Variants in NUP214 observed in about 807,000 individuals in gnomAD.
NUP214 encodes the protein nuclear pore complex protein Nup214.
Under a neutral mutation model 196.2 loss-of-function variants are expected in NUP214, and 79 were observed. The observed-to-expected ratio is 0.40, with a 90% CI of 0.34 to 0.49. The LOEUF (loss-of-function observed/expected upper bound fraction) is 0.49. Among genes scored for constraint, NUP214 ranks in the 20% least tolerant of loss-of-function variants. NUP214 has a pLI of 0.58. For missense variants in NUP214, 2,468 were observed against 2,539.0 expected (o/e 0.97, Z 0.60); for synonymous variants, 1,020 against 990.5 (o/e 1.03, Z -0.56).
chr9:131,230,005 G>A, intron 33 of NUP214: 1 of 332,996 alleles, frequency 3.0e-6, no homozygotes, highest in Non-Finnish European at 5.8e-6. Context: ...CAATTCAAGG[G>A]GCTCTGATAG....
At chr9:131,226,062 C>G (rs1036996664) in intron 32 of NUP214, among the ~76,000 whole-genome samples, 1 of 152,076 alleles carries the variant, frequency 6.6e-6, no homozygotes, top group African/African-American at 2.4e-5. Context: ...TCGCACAGAC[C>G]TTGTTCCAGT....
chr9:131,132,473 C>T lies in NUP214; in HGVS notation c.664-123C>T, dbSNP rs1212186534. ...AGTAGATAGCACTATTCTGTTTCTT[C>T]AGTCTCTCCCGGCCAAGGAGATGGA... On this transcript the variant is annotated intron_variant, in intron 5 of 35. Transcript: ENST00000359428. The T allele has an allele frequency of 3.7e-6, 3 of 801,732 alleles. No individual in the cohort carries two copies. The African/African-American group carries it at 5.2e-5, about 14-fold the overall frequency. The allele number at this position is 801,732 out of a possible 1,614,324, so 49.7% of individuals were successfully genotyped here. A position where few individuals can be genotyped will look rare whatever the true frequency, so the allele number is the denominator to read the frequency against.
intron 18 of NUP214, among the ~76,000 whole-genome samples, chr9:131,160,063 T>C (rs1832583703): frequency 6.6e-6 from 1 of 152,124 alleles, no homozygotes; most frequent in Admixed American, 6.5e-5. Flanking sequence ...TAAATAAATA[T>C]GGTCGCTTTT....
chr9:131,143,066 G>A (rs892232882), intron 11 of NUP214, among the ~76,000 whole-genome samples: 2 of 152,130 alleles, frequency 1.3e-5, no homozygotes, highest in Non-Finnish European at 2.9e-5. Context: ...GAGTGTAGTG[G>A]CAGGATCTTG....
intron 5 of NUP214, among the ~76,000 whole-genome samples, chr9:131,131,407 C>T (rs1159187136): frequency 3.3e-5 from 5 of 152,228 alleles, no homozygotes; most frequent in Admixed American, 1.3e-4. Flanking sequence ...CAAGGAACCC[C>T]CATATGTCTA....
chr9:131,183,189 A>G (rs1466276313), intron 24 of NUP214, among the ~76,000 whole-genome samples: 2 of 152,038 alleles, frequency 1.3e-5, no homozygotes, highest in African/African-American at 4.8e-5. Flanking sequence ...GGTTCAAGTG[A>G]TTTTCCTGCC....
intron 20 of NUP214, 30 bp downstream of exon 20, chr9:131,163,985 C>A: frequency 1.2e-6 from 2 of 1,611,748 alleles, no homozygotes; most frequent in South Asian, 1.1e-5. Context: ...TCTTTTAACT[C>A]CCTTTATTCT....
intron 31 of NUP214, among the ~76,000 whole-genome samples, chr9:131,218,151 A>G (rs1834453479): frequency 6.6e-6 from 1 of 152,248 alleles, no homozygotes; most frequent in Admixed American, 6.5e-5. Flanking sequence ...TGTGTGCCTA[A>G]GGGAAGTTTA....
At position 131,201,628 on chromosome 9, in the gene NUP214, T is replaced by G; in HGVS notation, c.5522-19T>G. On this transcript the variant is annotated intron_variant, in intron 29 of 35. Coordinates refer to ENST00000359428, the MANE Select transcript of NUP214 (RefSeq NM_005085.4). ...TCATCCAATCCAAATTGAATTTTTG[T>G]TTTCTTTGTATTTTACAGGTTTTGG... is the stretch of plus-strand genomic sequence containing the variant. 7.5e-6 allele frequency: 12 copies of G among 1,605,266 alleles called. No individual in the cohort carries two copies. Among genetic ancestry groups the G allele is most frequent in the African/African-American group, 1.3e-5 (1 of 74,822 alleles).
chr9:131,229,561 C>T (rs757101738), intron 33 of NUP214: 40 of 395,836 alleles, frequency 1.0e-4, no homozygotes, highest in Middle Eastern at 5.6e-4. Flanking sequence ...TGCCTTGGGG[C>T]GGCTCTCACA....
At chr9:131,207,865 G>C (rs1381802534) in intron 30 of NUP214, among the ~76,000 whole-genome samples, 1 of 152,196 alleles carries the variant, frequency 6.6e-6, no homozygotes, top group Non-Finnish European at 1.5e-5. Context: ...GTAGTAGAGA[G>C]GACTTGCCAA....
At chr9:131,145,246 TA>T (rs1832055261) in intron 12 of NUP214, among the ~76,000 whole-genome samples, 1 of 152,108 alleles carries the variant, frequency 6.6e-6, no homozygotes, top group African/African-American at 2.4e-5. Context: ...TGCTAATTCT[TA>T]GGTTGGTATC....
intron 27 of NUP214, among the ~76,000 whole-genome samples, chr9:131,194,372 GGTTTTT>G (rs1264432049): frequency 6.6e-6 from 1 of 151,802 alleles, no homozygotes; most frequent in Non-Finnish European, 1.5e-5. Flanking sequence ...GGTTTTTGGG[GGTTTTT>G]GTTTTTGTTT....
In NUP214 at chr9:131,132,466, G is replaced by A. The variant is rs116929835; in HGVS notation, c.664-130G>A. 5.7e-3 allele frequency: 4,353 copies of A among 766,850 alleles called. 17 individuals carry two copies. Among genetic ancestry groups the A allele is most frequent in the Admixed American group, 8.2e-3 (356 of 43,346 alleles). 47.5% of individuals were successfully genotyped at this position (766,850 alleles called of 1,614,324 possible). A position where few individuals can be genotyped will look rare whatever the true frequency, so the allele number is the denominator to read the frequency against. On this transcript the variant is annotated intron_variant, in intron 5 of 35. Coordinates refer to ENST00000359428, the MANE Select transcript of NUP214 (RefSeq NM_005085.4). Reference sequence around the variant, plus strand: ...TCCTGGAAGTAGATAGCACTATTCTGTTTCTTCAGTCTCTCCCGGCCAAGG... The same window carrying A: ...TCCTGGAAGTAGATAGCACTATTCTATTTCTTCAGTCTCTCCCGGCCAAGG...
chr9:131,126,000 T>G lies in NUP214; in HGVS notation c.45+251T>G. The G allele has an allele frequency of 1.9e-6, 1 of 536,628 alleles. No homozygotes were observed. The highest frequency in any genetic ancestry group is 2.3e-5 in the South Asian group (1 of 42,602). The allele number at this position is 536,628 out of a possible 1,614,324, so 33.2% of individuals were successfully genotyped here. A position where few individuals can be genotyped will look rare whatever the true frequency, so the allele number is the denominator to read the frequency against. On this transcript the variant is annotated intron_variant, in intron 1 of 35. Coordinates refer to ENST00000359428, the MANE Select transcript of NUP214 (RefSeq NM_005085.4). The surrounding 1 kb of genome is among the most constrained non-coding windows in gnomAD (Gnocchi z 4.1). ...CTACTTCCTGGGGCGGTCACAATAG[T>G]GGCAATAACTGCTGTTTATTGAGTG...
At chr9:131,208,364 G>T (rs1301686983) in intron 30 of NUP214, among the ~76,000 whole-genome samples, 2 of 152,214 alleles carry the variant, frequency 1.3e-5, no homozygotes, top group African/African-American at 4.8e-5. Flanking sequence ...ACAAAATGTG[G>T]TATATACATT....
Position 131,129,394 on chromosome 9 carries a change from CTGATGGTAGTAT to C in NUP214, c.512_523del (p.Asp171_Ile174del). The C allele has an allele frequency of 6.2e-7, 1 of 1,614,216 alleles. No homozygotes were observed. The highest frequency in any genetic ancestry group is 1.1e-5 in the South Asian group (1 of 91,092). ...CCCTCCATGGTGGCAGTTTGTCTGG[CTGATGGTAGTAT>C]TGCTGTCCTGCAAGTCACGGAAACA... On this transcript the variant is annotated inframe_deletion, in exon 4 of 36. Transcript: ENST00000359428.
At chr9:131,200,988 G>A (rs1833923553) in intron 29 of NUP214, among the ~76,000 whole-genome samples, 1 of 151,308 alleles carries the variant, frequency 6.6e-6, no homozygotes, top group Non-Finnish European at 1.5e-5. Flanking sequence ...CCCCATCCAC[G>A]TGGGGTTTGG....
intron 10 of NUP214, 143 bp downstream of exon 10, chr9:131,139,550 A>T: frequency 7.8e-7 from 1 of 1,277,092 alleles, no homozygotes; most frequent in South Asian, 1.4e-5. Context: ...CTGAAGAGTG[A>T]TAACAGGCTG....
Sources: gnomAD v4.1 joint callset for allele counts (sites outside exome capture counted in the v4.1 genomes callset) on GRCh38, gnomAD v4.1.1 for gene constraint, Gnocchi (gnomAD v3.1) non-coding constraint, MANE v1.5 for transcripts, NCBI Gene and HGNC (gene_info 2026-07-23, HGNC 2026-07-21) for gene names.